Variants in IL31RA observed in about 807,000 individuals in gnomAD.
The protein encoded by IL31RA is interleukin-31 receptor subunit alpha.
In IL31RA, 66 loss-of-function variants were observed where a neutral mutation model predicts 83.7. That is an observed-to-expected ratio of 0.79 (90% CI 0.65 to 0.97). The LOEUF is 0.97. Among genes scored for constraint, IL31RA ranks in the 50% least tolerant of loss-of-function variants. The pLI is 0.00. For missense variants in IL31RA, 798 were observed against 919.4 expected (o/e 0.87, Z 1.71); for synonymous variants, 325 against 329.0 (o/e 0.99, Z 0.13).
intron 1 of IL31RA, among the ~76,000 whole-genome samples, chr5:55,859,062 G>C (rs1249161306): frequency 6.6e-6 from 1 of 152,200 alleles, no homozygotes; most frequent in African/African-American, 2.4e-5. Context: ...CTGGAAAGGT[G>C]ATTAATTTGT....
At chr5:55,874,265 A>G (rs1387567954) in intron 4 of IL31RA, among the ~76,000 whole-genome samples, 1 of 152,078 alleles carries the variant, frequency 6.6e-6, no homozygotes, top group Non-Finnish European at 1.5e-5. Flanking sequence ...CCATTGAACT[A>G]TATTTTTGTA....
intron 7 of IL31RA, among the ~76,000 whole-genome samples, chr5:55,899,401 C>T (rs772107736): frequency 1.3e-5 from 2 of 152,172 alleles, no homozygotes; most frequent in African/African-American, 4.8e-5. Context: ...ACTGGCAGTG[C>T]GGCCCTCTTA....
intron 2 of IL31RA, among the ~76,000 whole-genome samples, chr5:55,860,731 C>T (rs1745626446): frequency 6.6e-6 from 1 of 152,112 alleles, no homozygotes; most frequent in South Asian, 2.1e-4. Context: ...AAGTTTAAAA[C>T]AATATTAAGA....
chr5:55,849,579 T>G (rs929800255), upstream of IL31RA, among the ~76,000 whole-genome samples: 9 of 152,250 alleles, frequency 5.9e-5, no homozygotes, highest in African/African-American at 1.9e-4. Context: ...CTGAGCCGAT[T>G]ACTCATCCTT....
In IL31RA at chr5:55,922,223, T is replaced by C. The variant is rs1207974789; in HGVS notation, c.*5103T>C. Among the ~76,000 whole-genome samples the C allele has an allele frequency of 6.6e-6, 1 of 151,960 alleles. No individual in the cohort carries two copies. Among genetic ancestry groups the C allele is most frequent in the African/African-American group, 2.4e-5 (1 of 41,334 alleles). ...CACAATAGCCCTTGACACAGAGCTC[T>C]ATGCAGGGCTGTGCTGCCCAAGACG... On this transcript the variant is annotated 3_prime_UTR_variant, in exon 15 of 15. Coordinates refer to ENST00000652347, the MANE Select transcript of IL31RA (RefSeq NM_139017.7).
intron 5 of IL31RA, among the ~76,000 whole-genome samples, chr5:55,889,078 C>G (rs1247291313): frequency 6.6e-6 from 1 of 151,936 alleles, no homozygotes; most frequent in East Asian, 1.9e-4. Flanking sequence ...TTAATCAGCT[C>G]AAAATAAGCT....
At chr5:55,901,988 AT>A (rs1219217445) in intron 8 of IL31RA, among the ~76,000 whole-genome samples, 3 of 152,190 alleles carry the variant, frequency 2.0e-5, no homozygotes, top group African/African-American at 7.2e-5. Context: ...TAAAAATATT[AT>A]AAAATACACT....
intron 5 of IL31RA, among the ~76,000 whole-genome samples, chr5:55,888,269 G>C (rs950852837): frequency 2.0e-5 from 3 of 152,186 alleles, no homozygotes; most frequent in Non-Finnish European, 4.4e-5. Flanking sequence ...AGGATCAATT[G>C]ATCCTGGATC....
At chr5:55,867,877 A>T (rs1303595252) in intron 2 of IL31RA, among the ~76,000 whole-genome samples, 1 of 152,150 alleles carries the variant, frequency 6.6e-6, no homozygotes, top group African/African-American at 2.4e-5. Flanking sequence ...AGCACAGGAA[A>T]AACCAGCTTC....
At position 55,900,021 on chromosome 5, in the gene IL31RA, C is replaced by T; in HGVS notation, c.958C>T (p.Gln320Ter). 1.2e-6 allele frequency: 2 copies of T among 1,613,858 alleles called. No homozygotes were observed. The highest frequency in any genetic ancestry group is 1.7e-6 in the Non-Finnish European group (2 of 1,179,704). Residue 320 changes from glutamine to a stop codon, truncating the protein, a stop_gained, in exon 8 of 15, where the codon CAG becomes TAG. Coordinates refer to ENST00000652347, the MANE Select transcript of IL31RA (RefSeq NM_139017.7). LOFTEE classifies it high-confidence loss of function. ...LTETMNTTNQ[Q>*]LELHLGGESF... is the part of the protein sequence containing the mutation. ...AGAAACAATGAACACTACTAACCAG[C>T]AGCTTGAACTGCATCTGGGAGGCGA...
chr5:55,853,362 G>A, intron 1 of IL31RA: 1 of 1,325,190 alleles, frequency 7.5e-7, no homozygotes, highest in East Asian at 2.7e-5. Flanking sequence ...AAGTGGGTAA[G>A]TGCCACTTTG....
intron 11 of IL31RA, among the ~76,000 whole-genome samples, chr5:55,909,912 C>G (rs551126436): frequency 1.3e-5 from 2 of 152,198 alleles, no homozygotes; most frequent in African/African-American, 4.8e-5. Flanking sequence ...CCATGTTGGT[C>G]AGGCTGGTCT....
intron 4 of IL31RA, among the ~76,000 whole-genome samples, chr5:55,881,365 G>C (rs1428233020): frequency 6.6e-6 from 1 of 151,720 alleles, no homozygotes; most frequent in African/African-American, 2.4e-5. Flanking sequence ...TGGAAAGAAG[G>C]AAGAAGGTAA....
At chr5:55,853,266 AGAT>A in intron 1 of IL31RA, 1 of 1,165,150 alleles carries the variant, frequency 8.6e-7, no homozygotes, top group Non-Finnish European at 1.1e-6. Context: ...CTGGTCTTTC[AGAT>A]GATCCTTTTT....
chr5:55,891,166 A>T (rs1423714734), intron 6 of IL31RA, among the ~76,000 whole-genome samples: 1 of 152,216 alleles, frequency 6.6e-6, no homozygotes, highest in Non-Finnish European at 1.5e-5. Context: ...TAAAATATGT[A>T]GAGTCACTCC....
chr5:55,843,721 C>T, the IL31RA span, among the ~76,000 whole-genome samples: 1 of 152,034 alleles, frequency 6.6e-6, no homozygotes, highest in Non-Finnish European at 1.5e-5. Context: ...ATATAATGTC[C>T]CTCTTTATCC....
the IL31RA span, among the ~76,000 whole-genome samples, chr5:55,845,857 C>A: frequency 6.6e-6 from 1 of 152,150 alleles, no homozygotes; most frequent in Non-Finnish European, 1.5e-5. Context: ...TAGTATATTT[C>A]AAAATGGTTA....
At chr5:55,876,512 T>C (rs1022628695) in intron 4 of IL31RA, among the ~76,000 whole-genome samples, 1 of 152,238 alleles carries the variant, frequency 6.6e-6, no homozygotes, top group African/African-American at 2.4e-5. Context: ...GAGTTTACTT[T>C]GGTCCAGCCT....
chr5:55,905,200 CAA>C (rs34211603), intron 8 of IL31RA, among the ~76,000 whole-genome samples: 49 of 72,542 alleles, frequency 6.8e-4, no homozygotes, highest in Admixed American at 8.3e-4. Context: ...GACTCTGCCT[CAA>C]AAAAAAAAAA....
Sources: allele counts gnomAD v4.1 joint callset (sites outside exome capture counted in the v4.1 genomes callset), GRCh38; gene constraint gnomAD v4.1.1; transcripts MANE v1.5; gene names NCBI Gene and HGNC (gene_info 2026-07-23, HGNC 2026-07-21).